STK38: variants seen among roughly 807,000 people sequenced by gnomAD.
STK38 encodes the protein serine/threonine-protein kinase 38.
In STK38, 26 loss-of-function variants were observed where a neutral mutation model predicts 59.0. The ratio of observed to expected loss-of-function variants is 0.44; its 90% CI spans 0.32 to 0.61. The LOEUF is 0.61. Ranked by LOEUF, STK38 falls within the 20% of genes least tolerant of loss-of-function variation. The pLI, the probability that STK38 is intolerant of heterozygous loss-of-function variation, is 0.04. For synonymous variants in STK38, 175 were observed against 176.6 expected (o/e 0.99, Z 0.07); for missense variants, 433 against 566.0 (o/e 0.76, Z 2.38).
At position 36,495,927 on chromosome 6, in the gene STK38, T is replaced by C. The variant is rs759837713; in HGVS notation, c.1268-13A>G. On this transcript the variant is annotated splice_polypyrimidine_tract_variant and intron_variant, in intron 13 of 13. Coordinates refer to ENST00000229812, the MANE Select transcript of STK38 (RefSeq NM_007271.4). The stretch of plus-strand genomic sequence containing the variant: ...TTACTTGTGGCCACTGGGAAAGAAA[T>C]AGATGTGAGAGTTGATTCACTGCCT... 1.6e-5 allele frequency: 26 copies of C among 1,613,434 alleles called. No homozygotes were observed. The highest frequency in any genetic ancestry group is 8.0e-5 in the African/African-American group (6 of 74,860).
intron 2 of STK38, among the ~76,000 whole-genome samples, chr6:36,535,144 A>T (rs1420660887): frequency 6.6e-6 from 1 of 152,116 alleles, no homozygotes; most frequent in African/African-American, 2.4e-5. Context: ...AGAAAAACTA[A>T]AGAAGACCTT....
At chr6:36,546,376 G>A (rs540625699) in intron 1 of STK38, among the ~76,000 whole-genome samples, 2 of 152,182 alleles carry the variant, frequency 1.3e-5, no homozygotes, top group Admixed American at 6.5e-5. Flanking sequence ...AGGAGAGCCT[G>A]TTATCGAGGT....
chr6:36,527,097 C>T (rs1314469008), intron 2 of STK38, among the ~76,000 whole-genome samples: 1 of 146,580 alleles, frequency 6.8e-6, no homozygotes, highest in Admixed American at 7.0e-5. Context: ...GAGGCTGAAG[C>T]AGAAGAATTG....
chr6:36,525,843 G>A (rs28655492), intron 2 of STK38, among the ~76,000 whole-genome samples: 4,930 of 151,318 alleles, frequency 0.033, 284 homozygotes, highest in African/African-American at 0.11. Context: ...TTTTTTTGGC[G>A]GGGGGAGGGG....
At chr6:36,501,142 T>C (rs1776828125) in intron 9 of STK38, among the ~76,000 whole-genome samples, 1 of 151,692 alleles carries the variant, frequency 6.6e-6, no homozygotes, top group Non-Finnish European at 1.5e-5. Flanking sequence ...TTTGTAGAGA[T>C]GGGGTTTTGC....
chr6:36,500,483 C>T (rs1363920833), intron 9 of STK38, among the ~76,000 whole-genome samples: 4 of 152,028 alleles, frequency 2.6e-5, no homozygotes, highest in South Asian at 2.1e-4. Flanking sequence ...AATATCTGGC[C>T]GGGAGTGGTG....
At chr6:36,528,818 T>C (rs1336694138) in intron 2 of STK38, among the ~76,000 whole-genome samples, 1 of 152,234 alleles carries the variant, frequency 6.6e-6, no homozygotes. Flanking sequence ...TACATCAGAA[T>C]GGGCTACCAG....
intron 5 of STK38, among the ~76,000 whole-genome samples, chr6:36,520,908 C>G (rs1561983268): frequency 1.3e-5 from 2 of 152,162 alleles, no homozygotes; most frequent in East Asian, 1.9e-4. Flanking sequence ...TCCATCCCCC[C>G]TCTTTGGCCC....
intron 1 of STK38, among the ~76,000 whole-genome samples, chr6:36,540,815 G>A (rs1404919357): frequency 1.3e-5 from 2 of 151,988 alleles, no homozygotes; most frequent in Admixed American, 1.3e-4. Context: ...TAGTAGAGAC[G>A]GGGCCACCTC....
At chr6:36,537,028 G>A (rs751532235) in intron 2 of STK38, among the ~76,000 whole-genome samples, 21 of 151,940 alleles carry the variant, frequency 1.4e-4, no homozygotes, top group Non-Finnish European at 2.9e-4. Context: ...ACATACACAT[G>A]ACAAAGGTCT....
intron 2 of STK38, among the ~76,000 whole-genome samples, chr6:36,535,165 A>C (rs1777759088): frequency 6.6e-6 from 1 of 152,288 alleles, no homozygotes; most frequent in African/African-American, 2.4e-5. Flanking sequence ...AAAAATGGAG[A>C]CATGGGCCAG....
intron 12 of STK38, among the ~76,000 whole-genome samples, chr6:36,497,565 T>G (rs771237368): frequency 8.5e-5 from 13 of 152,242 alleles, no homozygotes; most frequent in Non-Finnish European, 1.6e-4. Flanking sequence ...CACTTCACTT[T>G]GTAAATAACT....
intron 6 of STK38, 49 bp from the exon 7 acceptor site, chr6:36,515,541 C>A: frequency 6.2e-7 from 1 of 1,603,228 alleles, no homozygotes; most frequent in Non-Finnish European, 8.5e-7. Context: ...CACACACACA[C>A]ACACACACAC....
Position 36,495,767 on chromosome 6 carries a change from A to T in STK38, c.*17T>A. ...TACAAAGAACTCTGCTCCACATAGG[A>T]TTCCGTGGCAAGAGTACTATTTTGC... On this transcript the variant is annotated 3_prime_UTR_variant, in exon 14 of 14. Coordinates refer to ENST00000229812, the MANE Select transcript of STK38 (RefSeq NM_007271.4). 6.2e-7 allele frequency: 1 copy of T among 1,613,564 alleles called. No individual in the cohort carries two copies.
At chr6:36,540,314 G>A in intron 1 of STK38, 107 bp from the exon 2 acceptor site, 10 of 1,045,836 alleles carry the variant, frequency 9.6e-6, no homozygotes, top group South Asian at 9.4e-5. Context: ...GTTTTCTGGA[G>A]GACAAACAGG....
At chr6:36,539,385 CAAA>C (rs11296767) in intron 2 of STK38, among the ~76,000 whole-genome samples, 3 of 109,110 alleles carry the variant, frequency 2.7e-5, no homozygotes. Flanking sequence ...GATTCGATCT[CAAA>C]AAAAAAAAAA....
At chr6:36,513,462 A>G (rs1468910841) in intron 7 of STK38, among the ~76,000 whole-genome samples, 1 of 145,424 alleles carries the variant, frequency 6.9e-6, no homozygotes, top group Admixed American at 6.9e-5. Context: ...CTACAGGCAC[A>G]CTCCACCACG....
chr6:36,515,517 AC>A, intron 6 of STK38, 25 bp from the exon 7 acceptor site: 1 of 1,569,886 alleles, frequency 6.4e-7, no homozygotes, highest in Non-Finnish European at 8.6e-7. Flanking sequence ...ATACAAAGCC[AC>A]CACACACACA....
intron 9 of STK38, among the ~76,000 whole-genome samples, chr6:36,502,186 G>A (rs562761561): frequency 1.3e-5 from 2 of 151,650 alleles, no homozygotes; most frequent in African/African-American, 2.4e-5. Flanking sequence ...TCTGTCACCC[G>A]GGCTGGAGTG....
Sources: gnomAD v4.1 joint callset for allele counts (sites outside exome capture counted in the v4.1 genomes callset) on GRCh38, gnomAD v4.1.1 for gene constraint, MANE v1.5 for transcripts, NCBI Gene and HGNC (gene_info 2026-07-23, HGNC 2026-07-21) for gene names.